Variants in RBFOX1 observed in about 807,000 individuals in gnomAD.
RBFOX1 encodes the protein RNA binding protein fox-1 homolog 1.
RBFOX1 carries 8 observed loss-of-function variants against 57.7 expected under a neutral mutation model. The observed-to-expected ratio is 0.14, with a 90% confidence interval of 0.08 to 0.25. The LOEUF is 0.25. Ranked by LOEUF, RBFOX1 falls within the 10% of genes least tolerant of loss-of-function variation. The pLI, the probability that RBFOX1 is intolerant of heterozygous loss-of-function variation, is 1.00. For missense variants in RBFOX1, 611 were observed against 548.5 expected (o/e 1.11, Z -1.14); for synonymous variants, 326 against 222.4 (o/e 1.47, Z -4.15).
At chr16:7,212,865 A>G (rs1397972146) in intron 4 of RBFOX1, among the ~76,000 whole-genome samples, 2 of 152,190 alleles carry the variant, frequency 1.3e-5, no homozygotes, top group Admixed American at 6.5e-5. Context: ...AACTTAGGCT[A>G]CAATGATGAT....
chr16:6,879,652 C>T lies in RBFOX1; in HGVS notation c.-15-172405C>T, dbSNP rs79801166. Reference sequence around the variant, plus strand: ...TGTTTTAGGAGCTTCAAGTAAGGTCCAGTTGTGTTATTTCAGTTAACTATG... The same window carrying T: ...TGTTTTAGGAGCTTCAAGTAAGGTCTAGTTGTGTTATTTCAGTTAACTATG... On this transcript the variant is annotated intron_variant, in intron 3 of 15. Coordinates refer to ENST00000550418, the MANE Select transcript of RBFOX1 (RefSeq NM_018723.4). Among the ~76,000 whole-genome samples the T allele has an allele frequency of 1.4e-4, 22 of 152,240 alleles. No individual in the cohort carries two copies. In the East Asian group the frequency reaches 3.9e-3, roughly 27 times the overall value.
intron 2 of RBFOX1, among the ~76,000 whole-genome samples, chr16:6,647,173 C>CAG (rs140389660): frequency 5.4e-4 from 81 of 150,718 alleles, no homozygotes; most frequent in South Asian, 1.0e-3. Flanking sequence ...CTTACGCTAC[C>CAG]AGAGAGAGAG....
At chr16:7,397,893 G>T (rs771832495) in intron 4 of RBFOX1, among the ~76,000 whole-genome samples, 1 of 152,084 alleles carries the variant, frequency 6.6e-6, no homozygotes, top group Non-Finnish European at 1.5e-5. Flanking sequence ...CTGTAAAACA[G>T]ATGAAACTAC....
chr16:7,481,146 G>A (rs1411182193), intron 4 of RBFOX1, among the ~76,000 whole-genome samples: 1 of 152,144 alleles, frequency 6.6e-6, no homozygotes, highest in African/African-American at 2.4e-5. Context: ...TGAGGATGGT[G>A]CTACATACTC....
rs200121160 is a variant in RBFOX1 at position 6,310,901 on chromosome 16, TAAAAAA to T, written c.-126-6080_-126-6075del. On this transcript the variant is annotated intron_variant, in intron 1 of 15. Coordinates refer to ENST00000550418, the MANE Select transcript of RBFOX1 (RefSeq NM_018723.4). ...AACAGGTGCAAATTTACCAGTGGTTTAAAAAAAAAAAAAAAAAAAGAACAGAATCCC... is the reference window on the plus strand; with the variant it reads ...AACAGGTGCAAATTTACCAGTGGTTTAAAAAAAAAAAAAGAACAGAATCCC... Among the ~76,000 whole-genome samples the T allele has an allele frequency of 5.7e-5, 8 of 140,572 alleles. No individual in the cohort carries two copies. The East Asian group carries it at 1.2e-3, about 21-fold the overall frequency. The allele number at this position is 140,572 out of a possible 152,430, so 92.2% of individuals were successfully genotyped here.
chr16:6,823,641 T>G (rs1245113332), intron 3 of RBFOX1, among the ~76,000 whole-genome samples: 3 of 152,216 alleles, frequency 2.0e-5, no homozygotes, highest in Non-Finnish European at 4.4e-5. Context: ...ATTTTGAATC[T>G]CCCTATTCTT....
At chr16:7,702,635 G>A (rs773852586) in intron 14 of RBFOX1, among the ~76,000 whole-genome samples, 1 of 152,162 alleles carries the variant, frequency 6.6e-6, no homozygotes, top group African/African-American at 2.4e-5. Flanking sequence ...TCCCCTTCTG[G>A]TCTTGTTCTT....
At chr16:6,952,628 ACT>A (rs1349560609) in intron 3 of RBFOX1, among the ~76,000 whole-genome samples, 8 of 151,562 alleles carry the variant, frequency 5.3e-5, no homozygotes, top group South Asian at 2.1e-4. Context: ...ACAGAGCAAG[ACT>A]CTGTCTCCCT....
At chr16:7,032,657 T>G (rs112309015) in intron 3 of RBFOX1, among the ~76,000 whole-genome samples, 61 of 152,254 alleles carry the variant, frequency 4.0e-4, no homozygotes, top group African/African-American at 1.3e-3. Context: ...TTGATGGAAT[T>G]AAAGACGATA....
intron 13 of RBFOX1, among the ~76,000 whole-genome samples, chr16:7,668,530 G>C (rs866599506): frequency 5.3e-5 from 8 of 152,056 alleles, no homozygotes; most frequent in Admixed American, 1.3e-4. Context: ...GAAACCCACT[G>C]CCTCTAGCCA....
chr16:6,808,752 G>A (rs2087618485), intron 3 of RBFOX1, among the ~76,000 whole-genome samples: 1 of 152,062 alleles, frequency 6.6e-6, no homozygotes, highest in Admixed American at 6.6e-5. Context: ...ACAAATACCT[G>A]GTTATCTCTG....
intron 3 of RBFOX1, among the ~76,000 whole-genome samples, chr16:6,963,344 A>T (rs770033515): frequency 9.9e-5 from 15 of 152,066 alleles, no homozygotes; most frequent in Non-Finnish European, 1.9e-4. Flanking sequence ...GCTTTGAGAT[A>T]ATGGGAATGA....
intron 3 of RBFOX1, among the ~76,000 whole-genome samples, chr16:5,725,700 G>A (rs1477302500): frequency 6.6e-6 from 1 of 151,796 alleles, no homozygotes; most frequent in Non-Finnish European, 1.5e-5. Flanking sequence ...TTCACACCTG[G>A]CATGGGGGAA....
At chr16:6,849,088 A>G (rs543998980) in intron 3 of RBFOX1, among the ~76,000 whole-genome samples, 14 of 152,308 alleles carry the variant, frequency 9.2e-5, no homozygotes, top group South Asian at 4.2e-4. Flanking sequence ...TCAAGAGTGC[A>G]TGAGACGCTC....
intron 4 of RBFOX1, among the ~76,000 whole-genome samples, chr16:5,985,162 AT>A (rs2060261938): frequency 1.3e-5 from 2 of 150,426 alleles, no homozygotes; most frequent in Admixed American, 6.6e-5. Context: ...ATATATATAT[AT>A]TTTTATTTTT....
At chr16:6,955,462 T>C (rs2081597353) in intron 3 of RBFOX1, among the ~76,000 whole-genome samples, 1 of 152,068 alleles carries the variant, frequency 6.6e-6, no homozygotes, top group African/African-American at 2.4e-5. Context: ...TGGTTAGAAG[T>C]ACTTAAAATG....
In RBFOX1 at chr16:6,867,145, G is replaced by A. The variant is rs139056592; in HGVS notation, c.-15-184912G>A. 2.5e-3 allele frequency among the ~76,000 whole-genome samples: 386 copies of A among 152,234 alleles called. 3 individuals are homozygous for A. The highest frequency in any genetic ancestry group is 8.7e-3 in the African/African-American group (362 of 41,564). ...AGCAGTCAGGTTTTAGCTTGGAGATGTACTAAGTGCAGAAGTTTTGTGAGT... is the reference window on the plus strand; with the variant it reads ...AGCAGTCAGGTTTTAGCTTGGAGATATACTAAGTGCAGAAGTTTTGTGAGT... On this transcript the variant is annotated intron_variant, in intron 3 of 15. Transcript: ENST00000550418.
At chr16:6,394,231 A>G (rs757699673) in intron 2 of RBFOX1, among the ~76,000 whole-genome samples, 4 of 152,206 alleles carry the variant, frequency 2.6e-5, no homozygotes, top group Non-Finnish European at 5.9e-5. Context: ...GCTTAATTTC[A>G]TAGTGTTTGT....
At chr16:7,192,157 G>C (rs894203794) in intron 4 of RBFOX1, among the ~76,000 whole-genome samples, 10 of 152,214 alleles carry the variant, frequency 6.6e-5, no homozygotes, top group African/African-American at 2.2e-4. Flanking sequence ...GTAGTAGAAG[G>C]AATTCGCAAT....
Sources: gnomAD v4.1 joint callset for allele counts (sites outside exome capture counted in the v4.1 genomes callset) on GRCh38, gnomAD v4.1.1 for gene constraint, MANE v1.5 for transcripts, NCBI Gene and HGNC (gene_info 2026-07-23, HGNC 2026-07-21) for gene names.